Variants in MCM10 observed in about 807,000 individuals in gnomAD.
The protein encoded by MCM10 is protein MCM10 homolog.
MCM10 carries 91 observed loss-of-function variants against 109.9 expected under a neutral mutation model. The observed-to-expected ratio is 0.83, with a 90% CI of 0.70 to 0.99. The LOEUF is 0.99. MCM10 is among the 50% of genes least tolerant of loss of function. The probability of loss-of-function intolerance (pLI) is 0.00; values close to 1 mark genes in which losing one functional copy is unlikely to be tolerated. For missense variants in MCM10, 1,077 were observed against 1,061.2 expected (o/e 1.01, Z -0.21); for synonymous variants, 380 against 387.2 (o/e 0.98, Z 0.22).
chr10:13,200,462 G>A (rs1279146289), intron 16 of MCM10, among the ~76,000 whole-genome samples: 2 of 152,210 alleles, frequency 1.3e-5, no homozygotes, highest in Admixed American at 6.5e-5. Flanking sequence ...TACTCTGAAT[G>A]ATCTGTTCTT....
chr10:13,195,289 T>C lies in MCM10; in HGVS notation c.1974+20T>C. The C allele has an allele frequency of 6.4e-7, 1 of 1,556,788 alleles. No individual in the cohort carries two copies. The highest frequency in any genetic ancestry group is 2.3e-5 in the East Asian group (1 of 42,844). ...AAAAAGGTAACTGGCATCTCTTCTC[T>C]TTAGCACTTGAGTTTGCATTCTGTA... On this transcript the variant is annotated intron_variant, in intron 14 of 19. Coordinates refer to ENST00000378714, the MANE Select transcript of MCM10 (RefSeq NM_018518.5).
In MCM10 at chr10:13,192,485, C is replaced by A. The variant is rs1834361323; in HGVS notation, c.1662C>A (p.Ser554=). ...IMGSPKPAIK[S]ISASALLKQQ... The stretch of plus-strand genomic sequence containing the variant: ...GGAGCCCAAAACCAGCCATCAAGTC[C>A]ATCTCGGCCTCAGCACTCTTGAAGC... Residue 554 remains serine (S), a synonymous_variant, in exon 13 of 20, where the codon TCC becomes TCA. Coordinates refer to ENST00000378714, the MANE Select transcript of MCM10 (RefSeq NM_018518.5). The A allele has an allele frequency of 6.2e-7, 1 of 1,614,050 alleles. No homozygotes were observed. The highest frequency in any genetic ancestry group is 1.3e-5 in the African/African-American group (1 of 74,916).
intron 8 of MCM10, 31 bp from the exon 9 acceptor site, chr10:13,186,133 C>T (rs763025765): frequency 7.7e-6 from 10 of 1,297,334 alleles, no homozygotes; most frequent in Non-Finnish European, 1.0e-5. Context: ...ATTTTGTCCG[C>T]CTTTAACTCC....
At position 13,198,751 on chromosome 10, in the gene MCM10, G is replaced by A. The variant is rs1834457457; in HGVS notation, c.2182G>A (p.Glu728Lys). ...AGAACAACTTGCCTATCTGGAATCT[G>A]AGGAATTTCAGAAAATCCTAAAAGC... ...RREQLAYLES[E>K]EFQKILKAKS... is the part of the protein sequence containing the mutation. Residue 728 changes from glutamate to lysine, a missense_variant, in exon 16 of 20, where the codon GAG becomes AAG. By Grantham distance (56) the Glu-to-Lys change is moderately conservative. Coordinates refer to ENST00000378714, the MANE Select transcript of MCM10 (RefSeq NM_018518.5). 2 of 1,613,858 alleles carry A rather than the reference G, an allele frequency of 1.2e-6. No homozygotes were observed. Among genetic ancestry groups the A allele is most frequent in the Non-Finnish European group, 1.7e-6 (2 of 1,180,016 alleles).
chr10:13,170,170 G>A (rs1158874545), intron 2 of MCM10, among the ~76,000 whole-genome samples: 7 of 152,170 alleles, frequency 4.6e-5, no homozygotes, highest in Non-Finnish European at 8.8e-5. Context: ...GAATGGACTG[G>A]AATGATGCCT....
chr10:13,180,461 A>G lies in MCM10; in HGVS notation c.784A>G (p.Thr262Ala). Residue 262 changes from threonine to alanine, a missense_variant, in exon 7 of 20, where the codon ACA becomes GCA. Physicochemically the swap from Thr to Ala is moderately conservative, Grantham distance 58 (BLOSUM62 0). Coordinates refer to ENST00000378714, the MANE Select transcript of MCM10 (RefSeq NM_018518.5). ...ACCCAGGCGGCCTCGAGTATCCTCC[A>G]CAGAAATGAACAAGAAAATGACCGG... ...LRLRRPRVSSTEMNKKMTGRK... is the reference protein window; with the variant it reads ...LRLRRPRVSSAEMNKKMTGRK... The G allele has an allele frequency of 6.2e-7, 1 of 1,613,360 alleles. No individual in the cohort carries two copies. The highest frequency in any genetic ancestry group is 2.2e-5 in the East Asian group (1 of 44,844).
At chr10:13,164,069 T>C (rs759649785) in intron 1 of MCM10, 59 bp from the exon 2 acceptor site, 4 of 667,406 alleles carry the variant, frequency 6.0e-6, no homozygotes, top group Middle Eastern at 5.3e-4. Context: ...TTGTTGGATG[T>C]GTGTTGTGAG....
chr10:13,202,119 G>A (rs1384364277), intron 17 of MCM10, among the ~76,000 whole-genome samples: 1 of 152,224 alleles, frequency 6.6e-6, no homozygotes, highest in Non-Finnish European at 1.5e-5. Flanking sequence ...AGCACTTTTG[G>A]ATGTCAAGGC....
chr10:13,169,325 C>T (rs893464854), intron 2 of MCM10, among the ~76,000 whole-genome samples: 1 of 152,194 alleles, frequency 6.6e-6, no homozygotes, highest in African/African-American at 2.4e-5. Flanking sequence ...CTTTCTTTTG[C>T]CTATTAAATC....
rs990246118 is a variant in MCM10 at position 13,210,957 on chromosome 10, G to A, written c.*1647G>A. On this transcript the variant is annotated 3_prime_UTR_variant, in exon 20 of 20. Transcript: ENST00000378714. ...TTCTTATGGGAAAAACAATGTTCTT[G>A]TTTGAACAGAGGGTATCATTGCAGT... The A allele has an allele frequency of 9.2e-5, 14 of 152,096 alleles. No homozygotes were observed. Among genetic ancestry groups the A allele is most frequent in the African/African-American group, 3.4e-4 (14 of 41,414 alleles). The allele number at this position is 152,096 out of a possible 1,614,324, so 9.4% of individuals were successfully genotyped here.
chr10:13,168,602 G>A (rs1033256577), intron 2 of MCM10, among the ~76,000 whole-genome samples: 3 of 151,968 alleles, frequency 2.0e-5, no homozygotes, highest in Non-Finnish European at 4.4e-5. Context: ...CCAAATAGGG[G>A]GGAAAAAAGA....
chr10:13,203,864 C>T (rs949729333), intron 17 of MCM10, among the ~76,000 whole-genome samples: 14 of 152,186 alleles, frequency 9.2e-5, no homozygotes, highest in South Asian at 2.1e-4. Flanking sequence ...AGCAAGGGGC[C>T]GTAATGACTC....
intron 8 of MCM10, among the ~76,000 whole-genome samples, chr10:13,185,052 G>A (rs917402433): frequency 2.6e-5 from 4 of 152,092 alleles, no homozygotes; most frequent in Non-Finnish European, 4.4e-5. Context: ...GTATGCATCC[G>A]GGAGACAAAG....
chr10:13,192,338 C>A lies in MCM10; in HGVS notation c.1600C>A (p.Gln534Lys). 6.2e-7 allele frequency: 1 copy of A among 1,610,502 alleles called. No individual in the cohort carries two copies. Among genetic ancestry groups the A allele is most frequent in the Non-Finnish European group, 8.5e-7 (1 of 1,178,574 alleles). ...LPTCGARNLK[Q>K]HLAKATASGI... ...GACGTGTGGAGCCAGGAACTTAAAA[C>A]AACATTTAGCCAAAGCCACAGCTTC... The change falls in exon 12 of 20, where the codon CAA becomes AAA. Residue 534 changes from glutamine to lysine, a missense_variant. Physicochemically the swap from Gln to Lys is moderately conservative, Grantham distance 53. Coordinates refer to ENST00000378714, the MANE Select transcript of MCM10 (RefSeq NM_018518.5).
In MCM10 at chr10:13,180,633, C is replaced by A. The variant is rs754846990; in HGVS notation, c.930+26C>A. On this transcript the variant is annotated intron_variant, in intron 7 of 19. Coordinates refer to ENST00000378714, the MANE Select transcript of MCM10 (RefSeq NM_018518.5). ...GTAAGCCATTGTATTGGTTTCTTAG[C>A]TGTTTTACTACAAACTGACAGTGGG... 6.8e-6 allele frequency: 11 copies of A among 1,611,802 alleles called. No individual in the cohort carries two copies. The African/African-American group carries it at 1.3e-4, about 20-fold the overall frequency.
At chr10:13,204,119 G>C (rs760519140) in intron 17 of MCM10, 100 bp from the exon 18 acceptor site, 1 of 1,430,136 alleles carries the variant, frequency 7.0e-7, no homozygotes, top group South Asian at 1.4e-5. Context: ...GTAGTGATGA[G>C]AGACCAGGTG....
intron 9 of MCM10, among the ~76,000 whole-genome samples, chr10:13,186,979 G>A (rs1282419630): frequency 1.3e-5 from 2 of 152,182 alleles, no homozygotes; most frequent in Non-Finnish European, 2.9e-5. Context: ...GCGATAGAGT[G>A]AGATTCTGTC....
chr10:13,189,479 C>T (rs774876051), intron 10 of MCM10, among the ~76,000 whole-genome samples: 14 of 152,136 alleles, frequency 9.2e-5, no homozygotes, highest in Non-Finnish European at 1.5e-4. Context: ...CGTGCCACCA[C>T]GCCCAGCTAA....
rs1226303018 is a variant in MCM10 at position 13,189,574 on chromosome 10, C to T, written c.1415+494C>T. On this transcript the variant is annotated intron_variant, in intron 10 of 19. Coordinates refer to ENST00000378714, the MANE Select transcript of MCM10 (RefSeq NM_018518.5). ...CTGACCTCAGGTGATCTGCCTGCCTCGGCCTCCCAAAGTGCTGGGATTACA... is the reference window on the plus strand; with the variant it reads ...CTGACCTCAGGTGATCTGCCTGCCTTGGCCTCCCAAAGTGCTGGGATTACA... 6.6e-5 allele frequency among the ~76,000 whole-genome samples: 10 copies of T among 152,296 alleles called. No homozygotes were observed. The East Asian group carries it at 9.6e-4, about 15-fold the overall frequency.
Sources: allele counts gnomAD v4.1 joint callset (sites outside exome capture counted in the v4.1 genomes callset), GRCh38; gene constraint gnomAD v4.1.1; transcripts MANE v1.5; gene names NCBI Gene and HGNC (gene_info 2026-07-23, HGNC 2026-07-21).